Variants in GABBR2 observed in about 807,000 individuals in gnomAD.
GABBR2 encodes gamma-aminobutyric acid type B receptor subunit 2, also known as G-protein coupled receptor 51.
Under a neutral mutation model 105.6 loss-of-function variants are expected in GABBR2, and 23 were observed. The ratio of observed to expected loss-of-function variants is 0.22; its 90% CI spans 0.16 to 0.31. The LOEUF (loss-of-function observed/expected upper bound fraction) is 0.31, where lower values mean the gene tolerates loss of function less well. GABBR2 is among the 10% of genes least tolerant of loss of function. The pLI is 1.00. For missense variants in GABBR2, 734 were observed against 1,245.5 expected, an observed-to-expected ratio of 0.59 and a Z score of 6.18; for synonymous variants, 478 against 499.7, an observed-to-expected ratio of 0.96 and a Z score of 0.58.
At chr9:98,583,224 G>A (rs530394718) in intron 1 of GABBR2, among the ~76,000 whole-genome samples, 7 of 152,286 alleles carry the variant, frequency 4.6e-5, no homozygotes, top group Middle Eastern at 3.4e-3. Flanking sequence ...TCCCATTTTC[G>A]ATGCTATTTT....
At chr9:98,386,749 C>T (rs566008365) in intron 10 of GABBR2, among the ~76,000 whole-genome samples, 1 of 152,312 alleles carries the variant, frequency 6.6e-6, no homozygotes. Flanking sequence ...CAACATTTTC[C>T]TTTGCATTCT....
chr9:98,397,290 G>C (rs1832310747), intron 8 of GABBR2, among the ~76,000 whole-genome samples: 1 of 152,196 alleles, frequency 6.6e-6, no homozygotes, highest in South Asian at 2.1e-4. Flanking sequence ...GGACATCCTG[G>C]ATGCTGGAGA....
At chr9:98,325,457 G>A (rs115651932) in intron 13 of GABBR2, among the ~76,000 whole-genome samples, 3,710 of 151,946 alleles carry the variant, frequency 0.024, 146 homozygotes, top group African/African-American at 0.085. Flanking sequence ...ACACCCGGCT[G>A]ATTTTTATAT....
At chr9:98,690,100 C>T (rs1050771290) in intron 1 of GABBR2, among the ~76,000 whole-genome samples, 1 of 152,192 alleles carries the variant, frequency 6.6e-6, no homozygotes, top group Non-Finnish European at 1.5e-5. Context: ...GTTCAGACAC[C>T]TATCACAGCA....
intron 5 of GABBR2, among the ~76,000 whole-genome samples, chr9:98,477,744 C>T (rs551313092): frequency 2.8e-4 from 42 of 152,314 alleles, no homozygotes; most frequent in African/African-American, 9.9e-4. Flanking sequence ...CTCCTCCACT[C>T]CCCATGCAAG....
Position 98,340,973 on chromosome 9 carries a change from T to C in GABBR2, c.1893+21742A>G, listed in dbSNP as rs572302347. Among the ~76,000 whole-genome samples, 44 of 152,274 alleles carry C rather than the reference T, an allele frequency of 2.9e-4. 1 individual carries two copies. Among genetic ancestry groups the C allele is most frequent in the Non-Finnish European group, 5.4e-4 (37 of 68,048 alleles). On this transcript the variant is annotated intron_variant, in intron 13 of 18. Transcript: ENST00000259455. ...TCTGTTCATGACACTTGAGAATTTC[T>C]AGCAAACAGCTCATGCCCTGAAGAG...
chr9:98,685,322 G>T (rs1260649563), intron 1 of GABBR2, among the ~76,000 whole-genome samples: 2 of 152,226 alleles, frequency 1.3e-5, no homozygotes, highest in African/African-American at 2.4e-5. Flanking sequence ...TACTTTTGAG[G>T]TTTGGGGACA....
chr9:98,476,417 A>G (rs1414318595), intron 5 of GABBR2, among the ~76,000 whole-genome samples: 3 of 152,218 alleles, frequency 2.0e-5, no homozygotes, highest in Admixed American at 6.5e-5. Context: ...ATACAGTCAA[A>G]CAGCAGATTT....
intron 12 of GABBR2, among the ~76,000 whole-genome samples, chr9:98,367,012 G>A (rs1422007932): frequency 2.0e-5 from 3 of 152,000 alleles, no homozygotes; most frequent in African/African-American, 7.2e-5. Flanking sequence ...TTTACAATTG[G>A]TCTTTAGAAA....
chr9:98,607,487 A>T, intron 1 of GABBR2: 2 of 581,110 alleles, frequency 3.4e-6, no homozygotes, highest in South Asian at 4.7e-5. Context: ...ATAAAATTAA[A>T]ATATATGAAT....
rs568939403 is a variant in GABBR2 at position 98,292,284 on chromosome 9, T to C, written c.2660+1501A>G. On this transcript the variant is annotated intron_variant, in intron 18 of 18. Transcript: ENST00000259455. ...GGCAAAAGAAATACTGCTATTCCCATTATAAAGAAGAGGGAAGAGTACAGA... is the reference window on the plus strand; with the variant it reads ...GGCAAAAGAAATACTGCTATTCCCACTATAAAGAAGAGGGAAGAGTACAGA... 2.6e-5 allele frequency among the ~76,000 whole-genome samples: 4 copies of C among 152,298 alleles called. No individual in the cohort carries two copies. The South Asian group carries it at 6.2e-4, about 24-fold the overall frequency.
chr9:98,291,717 C>T (rs1006328238), intron 18 of GABBR2, among the ~76,000 whole-genome samples: 1 of 152,178 alleles, frequency 6.6e-6, no homozygotes, highest in Non-Finnish European at 1.5e-5. Flanking sequence ...GCCAGTTTCC[C>T]TGGAAACCCT....
chr9:98,594,026 CT>C (rs1829189179), intron 1 of GABBR2, among the ~76,000 whole-genome samples: 1 of 152,240 alleles, frequency 6.6e-6, no homozygotes, highest in South Asian at 2.1e-4. Context: ...TCACAAGCTG[CT>C]GCAGGCACCT....
intron 13 of GABBR2, among the ~76,000 whole-genome samples, chr9:98,356,167 C>T (rs113330790): frequency 1.6e-3 from 236 of 152,004 alleles, no homozygotes; most frequent in African/African-American, 5.4e-3. Context: ...AAGTATGATC[C>T]ATGAAAGAAA....
At chr9:98,635,628 T>C (rs988241621) in intron 1 of GABBR2, among the ~76,000 whole-genome samples, 8 of 152,028 alleles carry the variant, frequency 5.3e-5, no homozygotes, top group African/African-American at 1.9e-4. Context: ...TAGAAAGAGG[T>C]GTCTGTAGGT....
chr9:98,369,180 G>A (rs1831734220), intron 12 of GABBR2, among the ~76,000 whole-genome samples: 2 of 152,248 alleles, frequency 1.3e-5, no homozygotes, highest in African/African-American at 2.4e-5. Flanking sequence ...CTTACGGAGA[G>A]TTGTCATAAA....
chr9:98,544,477 G>A (rs1828365225), intron 2 of GABBR2, among the ~76,000 whole-genome samples: 1 of 152,154 alleles, frequency 6.6e-6, no homozygotes, highest in Non-Finnish European at 1.5e-5. Flanking sequence ...GACCGGTAAA[G>A]GTCAAAGGTA....
chr9:98,387,387 G>A (rs893133426), intron 10 of GABBR2, among the ~76,000 whole-genome samples: 10 of 152,154 alleles, frequency 6.6e-5, no homozygotes, highest in Non-Finnish European at 1.2e-4. Context: ...GGGACTTCTC[G>A]AGGCATCTGG....
chr9:98,640,944 T>C (rs1188676449), intron 1 of GABBR2, among the ~76,000 whole-genome samples: 1 of 152,084 alleles, frequency 6.6e-6, no homozygotes. Flanking sequence ...GTTTCCCCGT[T>C]TGCAAAATGG....
Sources: gnomAD v4.1 joint callset for allele counts (sites outside exome capture counted in the v4.1 genomes callset) on GRCh38, gnomAD v4.1.1 for gene constraint, MANE v1.5 for transcripts, NCBI Gene and HGNC (gene_info 2026-07-23, HGNC 2026-07-21) for gene names.